Variants in ROBO2 observed in about 807,000 individuals in gnomAD.
ROBO2 encodes the protein roundabout homolog 2.
In ROBO2, 53 loss-of-function variants were observed where a neutral mutation model predicts 160.8. That is an observed-to-expected ratio of 0.33 (90% CI 0.26 to 0.41). ROBO2 has a LOEUF of 0.41. ROBO2 is among the 10% of genes least tolerant of loss of function. ROBO2 has a pLI of 1.00. For missense variants in ROBO2, 1,577 were observed against 1,722.4 expected (o/e 0.92, Z 1.49); for synonymous variants, 664 against 611.7 (o/e 1.09, Z -1.26).
intron 2 of ROBO2, among the ~76,000 whole-genome samples, chr3:76,718,647 T>C (rs533708990): frequency 6.6e-6 from 1 of 152,302 alleles, no homozygotes; most frequent in East Asian, 1.9e-4. Flanking sequence ...GCATTAGTGA[T>C]GTAGGTCTGA....
At chr3:76,503,190 GGAGAAA>G in intron 2 of ROBO2, among the ~76,000 whole-genome samples, 1 of 152,192 alleles carries the variant, frequency 6.6e-6, no homozygotes, top group East Asian at 1.9e-4. Context: ...ATCCAGCATG[GGAGAAA>G]GATGTAGGCT....
chr3:77,200,283 A>T (rs1439114584), intron 2 of ROBO2, among the ~76,000 whole-genome samples: 1 of 44,020 alleles, frequency 2.3e-5, no homozygotes, highest in Non-Finnish European at 4.1e-5. Flanking sequence ...ATATATATAT[A>T]TATATATATA....
chr3:76,272,883 T>TAA (rs1707599001), intron 2 of ROBO2, among the ~76,000 whole-genome samples: 3 of 60,284 alleles, frequency 5.0e-5, no homozygotes, highest in African/African-American at 1.5e-4. Flanking sequence ...AATATATATT[T>TAA]ATATATAAAA....
At chr3:76,865,110 A>T (rs1228797678) in intron 2 of ROBO2, among the ~76,000 whole-genome samples, 1 of 151,896 alleles carries the variant, frequency 6.6e-6, no homozygotes, top group Non-Finnish European at 1.5e-5. Flanking sequence ...TTCTATTTCC[A>T]TGCTGTGTAT....
intron 2 of ROBO2, among the ~76,000 whole-genome samples, chr3:76,060,184 T>C (rs1227639915): frequency 2.0e-5 from 3 of 152,176 alleles, no homozygotes; most frequent in Admixed American, 6.5e-5. Context: ...ATTTCCATGC[T>C]CTTATAATCC....
At chr3:76,870,706 T>G (rs1403003140) in intron 2 of ROBO2, among the ~76,000 whole-genome samples, 2 of 152,218 alleles carry the variant, frequency 1.3e-5, no homozygotes, top group Middle Eastern at 3.2e-3. Flanking sequence ...CTACATCTAT[T>G]CATATTCTCC....
intron 2 of ROBO2, among the ~76,000 whole-genome samples, chr3:76,050,315 G>A (rs1368788749): frequency 6.6e-6 from 1 of 152,070 alleles, no homozygotes; most frequent in Admixed American, 6.6e-5. Context: ...TCAGCTTTTG[G>A]ACTCTTGGAC....
At chr3:77,317,511 G>C in intron 2 of ROBO2, 2 of 1,448,792 alleles carry the variant, frequency 1.4e-6, no homozygotes, top group Non-Finnish European at 1.9e-6. Context: ...CTCAGATTTC[G>C]TTTTCAAATC....
intron 2 of ROBO2, among the ~76,000 whole-genome samples, chr3:76,836,233 C>T (rs1401657234): frequency 6.6e-6 from 1 of 151,776 alleles, no homozygotes; most frequent in Non-Finnish European, 1.5e-5. Flanking sequence ...TTACTACTTC[C>T]TTAATGTAGG....
chr3:76,616,516 C>T (rs2088597199), intron 2 of ROBO2, among the ~76,000 whole-genome samples: 1 of 151,482 alleles, frequency 6.6e-6, no homozygotes, highest in South Asian at 2.1e-4. Flanking sequence ...GAGATTTCCA[C>T]TCAGATTTCC....
At chr3:76,052,067 A>G (rs1282811526) in intron 2 of ROBO2, among the ~76,000 whole-genome samples, 1 of 152,106 alleles carries the variant, frequency 6.6e-6, no homozygotes, top group African/African-American at 2.4e-5. Flanking sequence ...ATTCTTTTAC[A>G]CACACCTCAT....
chr3:76,166,763 G>T (rs148339926), intron 2 of ROBO2, among the ~76,000 whole-genome samples: 2,384 of 152,154 alleles, frequency 0.016, 25 homozygotes, highest in Non-Finnish European at 0.024. Flanking sequence ...TTGTTTTAAG[G>T]AAATCTTGTT....
rs139312876 is a variant in ROBO2 at position 76,475,650 on chromosome 3, C to G, written c.109+538048C>G. ...TGGACCCACTAGTATTCGTAAAATA[C>G]CTCTTTAATAACATGCAACTAGTTC... On this transcript the variant is annotated intron_variant, in intron 2 of 26. Transcript: ENST00000487694. 1.1e-4 allele frequency among the ~76,000 whole-genome samples: 16 copies of G among 152,044 alleles called. No homozygotes were observed. In the East Asian group the frequency reaches 3.1e-3, roughly 29 times the overall value.
intron 2 of ROBO2, among the ~76,000 whole-genome samples, chr3:76,446,042 C>A (rs990392397): frequency 2.0e-5 from 3 of 152,042 alleles, no homozygotes; most frequent in Admixed American, 2.0e-4. Flanking sequence ...CTGGCCAGGG[C>A]AATCAGGCAG....
intron 2 of ROBO2, among the ~76,000 whole-genome samples, chr3:76,111,083 A>G (rs951954143): frequency 6.6e-6 from 1 of 152,060 alleles, no homozygotes; most frequent in Non-Finnish European, 1.5e-5. Flanking sequence ...ATATTTGGAA[A>G]GATGGTCTTG....
intron 1 of ROBO2, among the ~76,000 whole-genome samples, chr3:77,080,618 GA>G (rs2068549933): frequency 6.6e-6 from 1 of 151,960 alleles, no homozygotes; most frequent in Non-Finnish European, 1.5e-5. Flanking sequence ...ACTTACAGGA[GA>G]AAAAAATCTC....
chr3:76,064,044 G>A (rs147489504), intron 2 of ROBO2, among the ~76,000 whole-genome samples: 38 of 152,244 alleles, frequency 2.5e-4, no homozygotes, highest in Admixed American at 7.2e-4. Context: ...AAACAGGGAC[G>A]TTAGTCCTCT....
At chr3:77,545,338 A>G (rs889302454) in intron 6 of ROBO2, among the ~76,000 whole-genome samples, 1 of 151,914 alleles carries the variant, frequency 6.6e-6, no homozygotes, top group Non-Finnish European at 1.5e-5. Flanking sequence ...TTGCTCCATA[A>G]TCTCCTTGTT....
At chr3:76,535,986 G>GTGGC (rs2108137043) in intron 2 of ROBO2, among the ~76,000 whole-genome samples, 1 of 152,296 alleles carries the variant, frequency 6.6e-6, no homozygotes, top group East Asian at 1.9e-4. Flanking sequence ...GGCCCTAGAA[G>GTGGC]TGGCTGCAAT....
Sources: gnomAD v4.1 joint callset for allele counts (sites outside exome capture counted in the v4.1 genomes callset) on GRCh38, gnomAD v4.1.1 for gene constraint, MANE v1.5 for transcripts, NCBI Gene and HGNC (gene_info 2026-07-23, HGNC 2026-07-21) for gene names.